JMJD6: variants seen among roughly 807,000 people sequenced by gnomAD.
JMJD6 encodes jumonji domain containing 6, arginine demethylase and lysine hydroxylase.
JMJD6 carries 17 observed loss-of-function variants against 45.8 expected under a neutral mutation model. The ratio of observed to expected loss-of-function variants is 0.37; its 90% CI spans 0.25 to 0.56. The LOEUF (loss-of-function observed/expected upper bound fraction) is 0.56, where lower values mean the gene tolerates loss of function less well. JMJD6 is among the 20% of genes least tolerant of loss of function. JMJD6 has a pLI of 0.79. For synonymous variants in JMJD6, 221 were observed against 196.3 expected (o/e 1.13, Z -1.05); for missense variants, 470 against 517.5 (o/e 0.91, Z 0.89).
chr17:76,725,982 G>A lies in JMJD6; in HGVS notation c.130-127C>T, dbSNP rs2143755104. The A allele has an allele frequency of 8.1e-6, 10 of 1,242,214 alleles. No individual in the cohort carries two copies. The South Asian group carries it at 1.6e-4, about 20-fold the overall frequency. 76.9% of individuals were successfully genotyped at this position (1,242,214 alleles called of 1,614,324 possible). On this transcript the variant is annotated intron_variant, in intron 1 of 5. Transcript: ENST00000397625. Reference sequence around the variant, plus strand: ...AGTTGACTCTCGTCTGGCTCCTCCGGGGTGGGGGCAGGGCGCGTGCGTGAG... The same window carrying A: ...AGTTGACTCTCGTCTGGCTCCTCCGAGGTGGGGGCAGGGCGCGTGCGTGAG...
chr17:76,725,357 G>A (rs2076898495), intron 2 of JMJD6, 110 bp downstream of exon 2: 2 of 1,054,740 alleles, frequency 1.9e-6, no homozygotes, highest in Non-Finnish European at 2.6e-6. Context: ...TGTGAGCCGA[G>A]ATCGCACCAC....
At chr17:76,715,203 A>C (rs2076755693), downstream of JMJD6, 1 of 152,380 alleles carries the variant, frequency 6.6e-6, no homozygotes, top group African/African-American at 2.4e-5. Context: ...AAAAAGCAGG[A>C]GTAGCAACAC....
chr17:76,725,544 CAA>C lies in JMJD6; in HGVS notation c.439_440del (p.Leu147GlyfsTer11). The stretch of plus-strand genomic sequence containing the variant: ...AAAACTTTGGCACCTTGTAGTCTTC[CAA>C]AAGTTTCCTTCTTTTAGGGTGTTCA... ...YGEHPKRRKL[L>X]EDYKVPKFFT... is the part of the protein sequence containing the mutation. On this transcript the variant is annotated frameshift_variant, in exon 2 of 6. Coordinates refer to ENST00000397625, the MANE Select transcript of JMJD6 (RefSeq NM_015167.3). LOFTEE classifies it high-confidence loss of function. 1.2e-6 allele frequency: 2 copies of C among 1,614,048 alleles called. No individual in the cohort carries two copies. The highest frequency in any genetic ancestry group is 1.7e-6 in the Non-Finnish European group (2 of 1,180,018).
In JMJD6 at chr17:76,720,447, G is replaced by A; in HGVS notation, c.993C>T (p.Asp331=). 3 of 1,614,066 alleles carry A rather than the reference G, an allele frequency of 1.9e-6. No homozygotes were observed. Among genetic ancestry groups the A allele is most frequent in the Non-Finnish European group, 2.5e-6 (3 of 1,179,950 alleles). Residue 331 remains aspartate (D), a synonymous_variant, in exon 5 of 6, where the codon GAC becomes GAT. Coordinates refer to ENST00000397625, the MANE Select transcript of JMJD6 (RefSeq NM_015167.3). ...AAGCTATCCCTGTGGACTCCTGAAG[G>A]TCAACCGAGTCTGCGAGGACTGCCA... ...PELAVLADSV[D]LQESTGIASD...
chr17:76,725,632 A>G lies in JMJD6; in HGVS notation c.353T>C (p.Ile118Thr), dbSNP rs2143752055. The change falls in exon 2 of 6, where the codon ATC (isoleucine) becomes ACC (threonine). Residue 118 changes from isoleucine (I) to threonine (T), a missense_variant. Physicochemically the swap from Ile to Thr is moderately conservative, Grantham distance 89. Transcript: ENST00000397625. Reference protein sequence around the residue: ...YSVKMKMKYYIEYMESTRDDS... With the variant: ...YSVKMKMKYYTEYMESTRDDS... The stretch of plus-strand genomic sequence containing the variant: ...ATCTCGAGTGCTCTCCATGTACTCG[A>G]TGTAGTATTTCATCTTCATCTTCAC... 1 of 1,614,004 alleles carries G rather than the reference A, an allele frequency of 6.2e-7. No individual in the cohort carries two copies. Among genetic ancestry groups the G allele is most frequent in the East Asian group, 2.2e-5 (1 of 44,870 alleles).
chr17:76,719,746 G>A (rs551009125), intron 5 of JMJD6, among the ~76,000 whole-genome samples: 15 of 152,330 alleles, frequency 9.8e-5, no homozygotes, highest in Admixed American at 3.3e-4. Context: ...AGAAGGATGA[G>A]TTTGAAATCT....
Position 76,720,346 on chromosome 17 carries a change from G to A in JMJD6, c.1080+14C>T, listed in dbSNP as rs773736098. ...TTGGAGGCTCCAGGAGTCAGCCAGA[G>A]AGCAAGGCCTCACCTCTGAGTCGGA... On this transcript the variant is annotated intron_variant, in intron 5 of 5. Transcript: ENST00000397625. 1.9e-6 allele frequency: 3 copies of A among 1,613,642 alleles called. No homozygotes were observed. The East Asian group carries it at 6.7e-5, about 36-fold the overall frequency.
chr17:76,715,242 ACATT>A (rs1167370780), downstream of JMJD6: 1 of 152,240 alleles, frequency 6.6e-6, no homozygotes, highest in Non-Finnish European at 1.5e-5. Flanking sequence ...AAGAGATTAT[ACATT>A]CAGAGTTTGA....
chr17:76,722,083 AAAC>A, intron 3 of JMJD6, 150 bp from the exon 4 acceptor site: 1 of 817,906 alleles, frequency 1.2e-6, no homozygotes, highest in African/African-American at 1.7e-5. Context: ...CAGGGATTGC[AAAC>A]AACTTGTTTG....
At chr17:76,718,423 G>A, downstream of JMJD6, 1 of 1,295,438 alleles carries the variant, frequency 7.7e-7, no homozygotes, top group East Asian at 3.0e-5. Flanking sequence ...GAATGTTCTG[G>A]TATTCTCAAA....
chr17:76,718,887 G>T, intron 5 of JMJD6, 27 bp from the exon 6 acceptor site: 1 of 1,606,414 alleles, frequency 6.2e-7, no homozygotes, highest in South Asian at 1.1e-5. Flanking sequence ...AGAAAACAAG[G>T]AGTCAACCTG....
At chr17:76,726,210 C>G in intron 1 of JMJD6, 137 bp downstream of exon 1, 1 of 1,243,750 alleles carries the variant, frequency 8.0e-7, no homozygotes, top group South Asian at 1.7e-5. Context: ...TCGGGGACCC[C>G]AAACTCCGCG....
intron 1 of JMJD6, 44 bp from the exon 2 acceptor site, chr17:76,725,899 A>G: frequency 1.3e-6 from 2 of 1,526,704 alleles, no homozygotes; most frequent in Non-Finnish European, 1.7e-6. Context: ...AAAAAAAAAA[A>G]AGTCCAGTGG....
In JMJD6 at chr17:76,721,674, G is replaced by A. The variant is rs185804601; in HGVS notation, c.941+124C>T. On this transcript the variant is annotated intron_variant, in intron 4 of 5. Transcript: ENST00000397625. ...CCCTCTCTCCTCTACCCAGAGGGTC[G>A]GCAGCCCCAGCTTTGCCCAGGCCTG... is the stretch of plus-strand genomic sequence containing the variant. The A allele has an allele frequency of 3.3e-4, 366 of 1,105,344 alleles. No homozygotes were observed. The African/African-American group carries it at 3.8e-3, about 11-fold the overall frequency. The allele number at this position is 1,105,344 out of a possible 1,614,324, so 68.5% of individuals were successfully genotyped here. A position where few individuals can be genotyped will look rare whatever the true frequency, so the allele number is the denominator to read the frequency against.
In JMJD6 at chr17:76,718,528, A is replaced by T; in HGVS notation, c.*201T>A. The T allele has an allele frequency of 7.3e-7, 1 of 1,370,250 alleles. No homozygotes were observed. The highest frequency in any genetic ancestry group is 2.9e-5 in the East Asian group (1 of 34,884). 84.9% of individuals were successfully genotyped at this position (1,370,250 alleles called of 1,614,324 possible). On this transcript the variant is annotated 3_prime_UTR_variant, in exon 6 of 6. Coordinates refer to ENST00000397625, the MANE Select transcript of JMJD6 (RefSeq NM_015167.3). ...ATTCACATTCTCTTGCCTGAGTAAAACAAGCCGCGTTTATCTGCATTGGTA... is the reference window on the plus strand; with the variant it reads ...ATTCACATTCTCTTGCCTGAGTAAATCAAGCCGCGTTTATCTGCATTGGTA...
In JMJD6 at chr17:76,725,619, C is replaced by T. The variant is rs1206163036; in HGVS notation, c.366G>A (p.Glu122=). ...AAAGGGGACTATCATCTCGAGTGCT[C>T]TCCATGTACTCGATGTAGTATTTCA... The part of the protein sequence containing the change: ...MKMKYYIEYM[E]STRDDSPLYI... Residue 122 remains glutamate, a synonymous_variant, in exon 2 of 6, where the codon GAG becomes GAA. Transcript: ENST00000397625. 1.9e-6 allele frequency: 3 copies of T among 1,613,834 alleles called. No individual in the cohort carries two copies. In the African/African-American group the frequency reaches 4.0e-5, roughly 22 times the overall value.
rs1283376312 is a variant in JMJD6 at position 76,726,396 on chromosome 17, G to A, written c.80C>T (p.Thr27Ile). ...RPELKDSLDW[T>I]RHNYYESFSL... ...GAAGCTCTCGTAGTAGTTGTGCCGG[G>A]TCCAATCCAGCGAGTCCTTGAGCTC... Residue 27 changes from threonine to isoleucine, a missense_variant, in exon 1 of 6, where the codon ACC becomes ATC. Around this residue, in one of 4 missense-constraint regions of JMJD6, gnomAD observed 346 missense variants for 339.5 expected, o/e 1.02. Transcript: ENST00000397625. 1 of 1,605,372 alleles carries A rather than the reference G, an allele frequency of 6.2e-7. No individual in the cohort carries two copies. The highest frequency in any genetic ancestry group is 1.1e-5 in the South Asian group (1 of 90,118).
At position 76,720,515 on chromosome 17, in the gene JMJD6, G is replaced by T. The variant is rs1169210001; in HGVS notation, c.942-17C>A. On this transcript the variant is annotated splice_polypyrimidine_tract_variant and intron_variant, in intron 4 of 5. Coordinates refer to ENST00000397625, the MANE Select transcript of JMJD6 (RefSeq NM_015167.3). ...TTCAAAATCCTGAGAGGCAAGAAGT[G>T]TTGTTCTCAGTGCACTGACAGCCAT... The T allele has an allele frequency of 1.2e-6, 2 of 1,612,928 alleles. No homozygotes were observed. The highest frequency in any genetic ancestry group is 2.7e-5 in the African/African-American group (2 of 74,890).
chr17:76,718,760 C>G lies in JMJD6; in HGVS notation c.1181G>C (p.Cys394Ser). ...GNGDTTSQDD[C>S]VSKERSSSR ...GGAGGAGCTGCGCTCTTTGCTGACA[C>G]AGTCGTCCTGGGAGGTGGTGTCCCC... The change falls in exon 6 of 6, where the codon TGT becomes TCT. Residue 394 changes from cysteine (C) to serine (S), a missense_variant. Cys to Ser is a moderately radical substitution (Grantham distance 112). Around this residue, in one of 4 missense-constraint regions of JMJD6, gnomAD observed 21 missense variants for 36.9 expected, o/e 0.57. Transcript: ENST00000397625. 1 of 1,614,224 alleles carries G rather than the reference C, an allele frequency of 6.2e-7. No individual in the cohort carries two copies. Among genetic ancestry groups the G allele is most frequent in the Middle Eastern group, 1.6e-4 (1 of 6,062 alleles).
Sources: allele counts gnomAD v4.1 joint callset (sites outside exome capture counted in the v4.1 genomes callset), GRCh38; gene constraint gnomAD v4.1.1; regional missense constraint gnomAD v4.1.1; transcripts MANE v1.5; gene names NCBI Gene and HGNC (gene_info 2026-07-23, HGNC 2026-07-21).